Variants in CPS1 observed in about 807,000 individuals in gnomAD.
The protein encoded by CPS1 is carbamoyl-phosphate synthase 1.
CPS1 carries 109 observed loss-of-function variants against 174.6 expected under a neutral mutation model. That is an observed-to-expected ratio of 0.62 (90% CI 0.53 to 0.73). The LOEUF (loss-of-function observed/expected upper bound fraction) is 0.73. Among genes scored for constraint, CPS1 ranks in the 30% least tolerant of loss-of-function variants. The probability of loss-of-function intolerance (pLI) is 0.00; values close to 1 mark genes in which losing one functional copy is unlikely to be tolerated. For synonymous variants in CPS1, 637 were observed against 632.0 expected (o/e 1.01, Z -0.12); for missense variants, 1,689 against 1,821.9 (o/e 0.93, Z 1.33).
At position 210,591,830 on chromosome 2, in the gene CPS1, G is replaced by A; in HGVS notation, c.948-1G>A. On this transcript the variant is annotated splice_acceptor_variant, in intron 9 of 37. Coordinates refer to ENST00000233072, the MANE Select transcript of CPS1 (RefSeq NM_001875.5). LOFTEE classifies it high-confidence loss of function. ...TATTCTTTTTCTCCTTTTCTCTCCA[G>A]AGGGCAGAATCAGCCTGTTTTGAAT... 6.2e-7 allele frequency: 1 copy of A among 1,611,966 alleles called. No homozygotes were observed. The highest frequency in any genetic ancestry group is 8.5e-7 in the Non-Finnish European group (1 of 1,178,786).
At chr2:210,508,879 C>T (rs1283140286) in intron 1 of CPS1, among the ~76,000 whole-genome samples, 1 of 152,078 alleles carries the variant, frequency 6.6e-6, no homozygotes, top group African/African-American at 2.4e-5. Flanking sequence ...GAAATTGAGG[C>T]AATAATTAAT....
chr2:210,642,441 C>T (rs768161335), intron 24 of CPS1, 43 bp from the exon 25 acceptor site: 18 of 1,608,428 alleles, frequency 1.1e-5, no homozygotes, highest in South Asian at 8.8e-5. Flanking sequence ...ATTGTAACTT[C>T]GTGCTTCTCT....
intron 1 of CPS1, among the ~76,000 whole-genome samples, chr2:210,500,537 C>T (rs1695112595): frequency 6.6e-6 from 1 of 152,114 alleles, no homozygotes; most frequent in African/African-American, 2.4e-5. Flanking sequence ...GTCTACAGTC[C>T]CCATGCAAGT....
intron 21 of CPS1, among the ~76,000 whole-genome samples, chr2:210,635,358 C>T (rs1275593809): frequency 6.6e-6 from 1 of 152,178 alleles, no homozygotes; most frequent in African/African-American, 2.4e-5. Flanking sequence ...CATAGCTTAT[C>T]CCTCCATAAA....
Position 210,556,799 on chromosome 2 carries a change from T to C in CPS1, c.66T>C (p.Asn22=), listed in dbSNP as rs2106037321. ...RTLKTGFGFT[N]VTAHQKWKFS... ...TGAAGACTGGTTTTGGCTTTACCAA[T>C]GTGACTGCACACCAAAAATGGAAAT... The change falls in exon 1 of 38, where the codon AAT becomes AAC. Residue 22 remains asparagine, a synonymous_variant. Transcript: ENST00000233072. The C allele has an allele frequency of 6.2e-7, 1 of 1,613,234 alleles. No homozygotes were observed. Among genetic ancestry groups the C allele is most frequent in the East Asian group, 2.2e-5 (1 of 44,846 alleles).
intron 16 of CPS1, 152 bp downstream of exon 16, chr2:210,602,482 T>G: frequency 2.0e-6 from 2 of 996,942 alleles, no homozygotes; most frequent in South Asian, 2.9e-5. Flanking sequence ...AGATGACACT[T>G]TTGCGAGAGC....
chr2:210,481,044 A>G (rs1281698601), intron 1 of CPS1, among the ~76,000 whole-genome samples: 1 of 152,218 alleles, frequency 6.6e-6, no homozygotes, highest in Non-Finnish European at 1.5e-5. Flanking sequence ...CTGCCTTGTC[A>G]GGATCTTATT....
chr2:210,518,083 A>G (rs1301451737), intron 1 of CPS1, among the ~76,000 whole-genome samples: 1 of 152,038 alleles, frequency 6.6e-6, no homozygotes, highest in Admixed American at 6.6e-5. Context: ...ATGGTTCTCT[A>G]TAGTCATGAT....
intron 1 of CPS1, among the ~76,000 whole-genome samples, chr2:210,535,472 A>G (rs905509555): frequency 6.6e-6 from 1 of 152,188 alleles, no homozygotes; most frequent in Non-Finnish European, 1.5e-5. Flanking sequence ...TATAAATGCT[A>G]TGCTGAATCA....
intron 1 of CPS1, 65 bp downstream of exon 1, chr2:210,556,924 G>T: frequency 6.4e-7 from 1 of 1,566,566 alleles, no homozygotes; most frequent in South Asian, 1.1e-5. Context: ...TGAAGCAAAG[G>T]TGTCCCTTAC....
At chr2:210,491,556 G>A (rs767747513) in intron 1 of CPS1, among the ~76,000 whole-genome samples, 2 of 151,982 alleles carry the variant, frequency 1.3e-5, no homozygotes, top group Non-Finnish European at 2.9e-5. Flanking sequence ...CTCGCGATCC[G>A]CCTGCCTTGG....
intron 14 of CPS1, 146 bp from the exon 15 acceptor site, chr2:210,600,409 A>T (rs1434975585): frequency 1.4e-6 from 1 of 707,344 alleles, no homozygotes; most frequent in Non-Finnish European, 2.3e-6. Context: ...TTTTTATTTC[A>T]ATTTTTTTCC....
chr2:210,576,284 C>A (rs1295918762), intron 2 of CPS1, 62 bp from the exon 3 acceptor site: 1 of 1,531,102 alleles, frequency 6.5e-7, no homozygotes, highest in East Asian at 2.3e-5. Flanking sequence ...AGCATGTATG[C>A]AGATTATAGC....
At chr2:210,489,373 T>G (rs1175365214) in intron 1 of CPS1, among the ~76,000 whole-genome samples, 1 of 152,288 alleles carries the variant, frequency 6.6e-6, no homozygotes, top group Admixed American at 6.5e-5. Flanking sequence ...AGAGCAAATC[T>G]TCTGTTGGGT....
chr2:210,485,175 T>G (rs539717978), intron 1 of CPS1, among the ~76,000 whole-genome samples: 129 of 149,104 alleles, frequency 8.7e-4, no homozygotes, highest in African/African-American at 3.2e-3. Context: ...GAGCTTGCAG[T>G]GAGCCAAGAT....
intron 25 of CPS1, among the ~76,000 whole-genome samples, chr2:210,645,436 T>G (rs1700349974): frequency 6.6e-6 from 1 of 152,218 alleles, no homozygotes; most frequent in Admixed American, 6.5e-5. Context: ...TTCTAATATT[T>G]GGTCTATTAC....
intron 13 of CPS1, 139 bp downstream of exon 13, chr2:210,595,721 T>A (rs912832238): frequency 1.5e-6 from 1 of 681,826 alleles, no homozygotes. Flanking sequence ...TTATAAATCT[T>A]GTATTAAAGA....
At chr2:210,653,771 A>C (rs1312565601) in intron 28 of CPS1, among the ~76,000 whole-genome samples, 2 of 152,190 alleles carry the variant, frequency 1.3e-5, no homozygotes, top group Non-Finnish European at 2.9e-5. Context: ...GGATGCCTAT[A>C]CTTGAGGATT....
intron 1 of CPS1, among the ~76,000 whole-genome samples, chr2:210,524,292 A>G (rs1695912599): frequency 6.6e-6 from 1 of 151,880 alleles, no homozygotes; most frequent in Non-Finnish European, 1.5e-5. Context: ...TCTTTCTTGA[A>G]CCTACATGAT....
Sources: gnomAD v4.1 joint callset for allele counts (sites outside exome capture counted in the v4.1 genomes callset) on GRCh38, gnomAD v4.1.1 for gene constraint, MANE v1.5 for transcripts, NCBI Gene and HGNC (gene_info 2026-07-23, HGNC 2026-07-21) for gene names.